Variants in ZNF600 observed in about 807,000 individuals in gnomAD.
ZNF600 encodes zinc finger protein KR-ZNF1.
Under a neutral mutation model 7.3 loss-of-function variants are expected in ZNF600, and 4 were observed. The observed-to-expected ratio is 0.55, with a 90% CI of 0.27 to 1.25. The LOEUF (loss-of-function observed/expected upper bound fraction) is 1.25. Among genes scored for constraint, ZNF600 ranks in the 50% most tolerant of loss-of-function variants. The pLI, the probability that ZNF600 is intolerant of heterozygous loss-of-function variation, is 0.12. For synonymous variants in ZNF600, 290 were observed against 308.9 expected, an observed-to-expected ratio of 0.94 and a Z score of 0.64; for missense variants, 911 against 922.1, an observed-to-expected ratio of 0.99 and a Z score of 0.16.
At chr19:52,773,641 TG>T (rs891247915) in intron 3 of ZNF600, among the ~76,000 whole-genome samples, 4 of 151,878 alleles carry the variant, frequency 2.6e-5, no homozygotes, top group Non-Finnish European at 5.9e-5. Context: ...GGAGGATGGA[TG>T]GGTGGATCAC....
the ZNF600 span, among the ~76,000 whole-genome samples, chr19:52,826,683 G>T: frequency 2.0e-5 from 3 of 152,086 alleles, no homozygotes; most frequent in East Asian, 5.8e-4. Flanking sequence ...TCCAGCCTGG[G>T]TGACAGAATG....
the ZNF600 span, among the ~76,000 whole-genome samples, chr19:52,796,936 C>T: frequency 4.6e-5 from 7 of 152,160 alleles, no homozygotes; most frequent in Non-Finnish European, 1.0e-4. Flanking sequence ...AAAAATGTGA[C>T]ATCATGCACA....
chr19:52,827,345 C>G, the ZNF600 span, among the ~76,000 whole-genome samples: 8 of 151,604 alleles, frequency 5.3e-5, no homozygotes, highest in Admixed American at 1.3e-4. Context: ...CCAGAATGCA[C>G]AAGATATCAG....
rs1438873163 is a variant in ZNF600, at chr19:52,766,598, G to T, written c.1365C>A (p.Tyr455Ter). ...AAGCCTTGTCACAGACCTTACATTT[G>T]TAAGATTTCTCTCCACCATGAAGTC... Residue 455 changes from tyrosine (Y) to a stop codon, truncating the protein, a stop_gained, in exon 4 of 4, where the codon TAC (tyrosine) becomes TAA (stop). Transcript: ENST00000648973. LOFTEE classifies it low-confidence loss of function (END_TRUNC). 1 of 1,613,986 alleles carries T rather than the reference G, an allele frequency of 6.2e-7. No individual in the cohort carries two copies. Among genetic ancestry groups the T allele is most frequent in the Non-Finnish European group, 8.5e-7 (1 of 1,180,030 alleles).
exon 4 of ZNF600, chr19:52,766,553 C>T (rs751143848): frequency 6.2e-7 from 1 of 1,613,876 alleles, no homozygotes; most frequent in African/African-American, 1.3e-5. Flanking sequence ...TATGTCTTAC[C>T]AGGTGTGAAT....
At chr19:52,830,845 T>C in the ZNF600 span, among the ~76,000 whole-genome samples, 2 of 144,816 alleles carry the variant, frequency 1.4e-5, no homozygotes, top group East Asian at 2.1e-4. Flanking sequence ...GTAATGGGCA[T>C]GTAGGAGTGA....
chr19:52,817,350 T>A, the ZNF600 span, among the ~76,000 whole-genome samples: 1 of 152,094 alleles, frequency 6.6e-6, no homozygotes, highest in African/African-American at 2.4e-5. Context: ...CCAGCCTGGA[T>A]AACAAGAGTG....
At chr19:52,818,395 G>A in the ZNF600 span, among the ~76,000 whole-genome samples, 1 of 152,106 alleles carries the variant, frequency 6.6e-6, no homozygotes, top group Non-Finnish European at 1.5e-5. Context: ...TGGCCAACAT[G>A]GAGAAACCCT....
chr19:52,828,622 T>C, the ZNF600 span, among the ~76,000 whole-genome samples: 2 of 152,110 alleles, frequency 1.3e-5, no homozygotes, highest in Non-Finnish European at 2.9e-5. Flanking sequence ...ACATAGAATG[T>C]GTACTGGGAA....
At chr19:52,828,468 A>G in the ZNF600 span, among the ~76,000 whole-genome samples, 1 of 152,178 alleles carries the variant, frequency 6.6e-6, no homozygotes, top group Admixed American at 6.5e-5. Context: ...CTTTCTCTCA[A>G]AAAAGAAAAG....
intron 3 of ZNF600, among the ~76,000 whole-genome samples, chr19:52,768,456 C>CAA (rs1407074132): frequency 6.8e-6 from 1 of 146,958 alleles, no homozygotes; most frequent in Non-Finnish European, 1.5e-5. Flanking sequence ...AAAAAAAAAG[C>CAA]AAAAAAAAAG....
the ZNF600 span, chr19:52,800,682 C>T: frequency 1.9e-6 from 3 of 1,613,934 alleles, no homozygotes; most frequent in Non-Finnish European, 1.7e-6. Flanking sequence ...AACTTTTTCA[C>T]ATTCTTCACA....
At chr19:52,765,274 G>A (rs1335511073) in exon 4 of ZNF600, 11 of 608,656 alleles carry the variant, frequency 1.8e-5, no homozygotes, top group East Asian at 3.8e-5. Context: ...TGTCCAGTAG[G>A]GATTCTCTGA....
chr19:52,808,017 C>A, the ZNF600 span: 1 of 1,613,390 alleles, frequency 6.2e-7, no homozygotes, highest in East Asian at 2.2e-5. Context: ...CCAGGGAGAC[C>A]AGGTTCCTAT....
At chr19:52,810,856 TCTCCCC>T in the ZNF600 span, 7 of 75,804 alleles carry the variant, frequency 9.2e-5, no homozygotes, top group East Asian at 7.5e-4. Flanking sequence ...TCCCTCTCCC[TCTCCCC>T]CTCCCCCTCC....
chr19:52,825,089 G>A, the ZNF600 span, among the ~76,000 whole-genome samples: 1 of 152,010 alleles, frequency 6.6e-6, no homozygotes, highest in African/African-American at 2.4e-5. Context: ...TTACACCTGG[G>A]GGTAGGGATG....
intron 2 of ZNF600, 137 bp downstream of exon 4, chr19:52,778,689 A>G (rs1378522057): frequency 7.4e-6 from 9 of 1,214,970 alleles, no homozygotes; most frequent in Non-Finnish European, 1.0e-5. Flanking sequence ...GCTGAGAGGA[A>G]CTAAGGGCAG....
At chr19:52,786,222 CA>C (rs1160799569) in intron 1 of ZNF600, among the ~76,000 whole-genome samples, 2 of 152,054 alleles carry the variant, frequency 1.3e-5, no homozygotes, top group African/African-American at 4.8e-5. Context: ...AACCCTGGCT[CA>C]GGGGAAGCGA....
chr19:52,794,806 A>G, the ZNF600 span, among the ~76,000 whole-genome samples: 1 of 152,082 alleles, frequency 6.6e-6, no homozygotes, highest in Non-Finnish European at 1.5e-5. Context: ...GTGAGCCAAG[A>G]TTGTGTCCCT....
Sources: allele counts gnomAD v4.1 joint callset (sites outside exome capture counted in the v4.1 genomes callset), GRCh38; gene constraint gnomAD v4.1.1; transcripts MANE v1.5; gene names NCBI Gene and HGNC (gene_info 2026-07-23, HGNC 2026-07-21).